FER: variants seen among roughly 807,000 people sequenced by gnomAD.
FER encodes tyrosine-protein kinase Fer.
In FER, 63 loss-of-function variants were observed where a neutral mutation model predicts 111.0. That is an observed-to-expected ratio of 0.57 (90% CI 0.46 to 0.70). The LOEUF (loss-of-function observed/expected upper bound fraction) is 0.70. FER is among the 30% of genes least tolerant of loss of function. The probability of loss-of-function intolerance (pLI) is 0.00; values close to 1 mark genes in which losing one functional copy is unlikely to be tolerated. For missense variants in FER, 914 were observed against 954.0 expected, an observed-to-expected ratio of 0.96 and a Z score of 0.55; for synonymous variants, 327 against 313.9, an observed-to-expected ratio of 1.04 and a Z score of -0.44.
chr5:109,185,997 C>T (rs910961325), intron 18 of FER, among the ~76,000 whole-genome samples: 2 of 152,180 alleles, frequency 1.3e-5, no homozygotes, highest in Non-Finnish European at 1.5e-5. Context: ...ATGTGTTATA[C>T]TATGACATTA....
intron 14 of FER, among the ~76,000 whole-genome samples, chr5:109,040,465 G>T (rs890332671): frequency 6.6e-6 from 1 of 152,124 alleles, no homozygotes; most frequent in African/African-American, 2.4e-5. Context: ...ATATACCAAG[G>T]AAGAGAGTGA....
chr5:108,971,938 A>T (rs1760721818), intron 13 of FER, among the ~76,000 whole-genome samples: 1 of 152,146 alleles, frequency 6.6e-6, no homozygotes, highest in African/African-American at 2.4e-5. Context: ...ATTAAGATGT[A>T]ATGAATTGTT....
At chr5:108,909,812 A>G (rs1751297204) in intron 10 of FER, among the ~76,000 whole-genome samples, 1 of 150,492 alleles carries the variant, frequency 6.6e-6, no homozygotes, top group African/African-American at 2.4e-5. Flanking sequence ...TTATATATAA[A>G]TAAAATAATA....
At chr5:108,876,042 A>G (rs1765061315) in intron 8 of FER, among the ~76,000 whole-genome samples, 1 of 152,200 alleles carries the variant, frequency 6.6e-6, no homozygotes, top group South Asian at 2.1e-4. Context: ...TTAGAATATA[A>G]ATAGGATATC....
At chr5:108,798,069 TGAAGACTAATTTCCTTTTTA>T in intron 2 of FER, 35 bp from the exon 3 acceptor site, 8 of 689,560 alleles carry the variant, frequency 1.2e-5, no homozygotes, top group South Asian at 7.4e-5. Flanking sequence ...TTTTTTTTTT[TGAAGACTAATTTCCTTTTTA>T]TTTAAGAGTT....
intron 17 of FER, among the ~76,000 whole-genome samples, chr5:109,119,549 A>G (rs1460286179): frequency 6.6e-6 from 1 of 152,034 alleles, no homozygotes; most frequent in East Asian, 1.9e-4. Context: ...GCTGAGTTCA[A>G]TTCCTGGATA....
intron 17 of FER, among the ~76,000 whole-genome samples, chr5:109,108,385 A>G (rs1051753029): frequency 9.9e-5 from 15 of 152,216 alleles, no homozygotes; most frequent in African/African-American, 3.1e-4. Flanking sequence ...ATGATCAGCC[A>G]TATGGATATC....
chr5:108,845,006 A>ATATATATATG (rs1761773190), intron 5 of FER, among the ~76,000 whole-genome samples: 3 of 17,932 alleles, frequency 1.7e-4, no homozygotes, highest in African/African-American at 2.4e-4. Context: ...GTATATATAT[A>ATATATATATG]TATATATATA....
At position 109,192,971 on chromosome 5, in the gene FER, G is replaced by A. The variant is rs1759482258; in HGVS notation, c.*5396G>A. On this transcript the variant is annotated 3_prime_UTR_variant, in exon 20 of 20. Transcript: ENST00000281092. The stretch of plus-strand genomic sequence containing the variant: ...CCAGAAAGGAAGGTTGAAAGGAAAT[G>A]AAGGGCAGTAACAAAGCACCAATGT... 1 of 152,120 alleles carries A rather than the reference G, an allele frequency of 6.6e-6. No individual in the cohort carries two copies. Among genetic ancestry groups the A allele is most frequent in the Admixed American group, 6.6e-5 (1 of 15,266 alleles). 9.4% of individuals were successfully genotyped at this position (152,120 alleles called of 1,614,324 possible).
intron 16 of FER, chr5:109,051,400 T>C (rs1772787282): frequency 1.2e-6 from 2 of 1,612,702 alleles, no homozygotes; most frequent in South Asian, 2.2e-5. Flanking sequence ...GGCTAGTGGC[T>C]GTAGTTCATG....
At chr5:109,183,148 G>C (rs1173063700) in intron 18 of FER, among the ~76,000 whole-genome samples, 1 of 151,958 alleles carries the variant, frequency 6.6e-6, no homozygotes, top group Non-Finnish European at 1.5e-5. Flanking sequence ...AGTCCAATGA[G>C]AGAGTTCCTG....
At chr5:108,969,614 T>G (rs1269703991) in intron 13 of FER, among the ~76,000 whole-genome samples, 1 of 149,080 alleles carries the variant, frequency 6.7e-6, no homozygotes, top group Non-Finnish European at 1.5e-5. Flanking sequence ...TTTTAATTTT[T>G]TTGAACACTG....
chr5:109,118,596 T>G (rs1259443088), intron 17 of FER, among the ~76,000 whole-genome samples: 1 of 152,230 alleles, frequency 6.6e-6, no homozygotes, highest in Non-Finnish European at 1.5e-5. Flanking sequence ...AGTTCCTCCT[T>G]GTATCTCTGG....
At chr5:109,180,630 C>T in intron 17 of FER, 117 bp from the exon 18 acceptor site, 1 of 1,183,502 alleles carries the variant, frequency 8.4e-7, no homozygotes, top group Non-Finnish European at 1.2e-6. Context: ...CACAAGCATT[C>T]TTAACCTCAT....
chr5:109,090,103 C>A (rs77541884), intron 16 of FER, among the ~76,000 whole-genome samples: 6,790 of 152,214 alleles, frequency 0.045, 182 homozygotes, highest in South Asian at 0.085. Flanking sequence ...CTCACCACTG[C>A]TGAGGAGCCA....
chr5:109,124,793 T>C (rs927600675), intron 17 of FER, among the ~76,000 whole-genome samples: 2 of 152,100 alleles, frequency 1.3e-5, no homozygotes, highest in African/African-American at 4.8e-5. Context: ...ACGCCTGTAA[T>C]CCCAGCACTT....
chr5:109,057,105 C>G (rs1773754600), intron 16 of FER, among the ~76,000 whole-genome samples: 1 of 152,134 alleles, frequency 6.6e-6, no homozygotes, highest in African/African-American at 2.4e-5. Flanking sequence ...TGCAATTTCT[C>G]TAAGCAAGGT....
chr5:108,912,091 C>A (rs577028570), intron 10 of FER, among the ~76,000 whole-genome samples: 1 of 152,154 alleles, frequency 6.6e-6, no homozygotes, highest in Non-Finnish European at 1.5e-5. Context: ...AAGTGCCTTT[C>A]GCCTTCTGCC....
intron 10 of FER, among the ~76,000 whole-genome samples, chr5:108,912,626 G>A (rs2150361521): frequency 6.6e-6 from 1 of 152,298 alleles, no homozygotes; most frequent in African/African-American, 2.4e-5. Flanking sequence ...CTTCTAAAGT[G>A]CTGAGATTGA....
Sources: gnomAD v4.1 joint callset for allele counts (sites outside exome capture counted in the v4.1 genomes callset) on GRCh38, gnomAD v4.1.1 for gene constraint, MANE v1.5 for transcripts, NCBI Gene and HGNC (gene_info 2026-07-23, HGNC 2026-07-21) for gene names.